Variants in P2RY8 observed in about 807,000 individuals in gnomAD.
The protein encoded by P2RY8 is P2Y receptor family member 8, also known as S-geranylgeranyl-glutathione receptor P2RY8.
A neutral mutation model predicts 10.0 loss-of-function variants in P2RY8; 6 were observed. That is an observed-to-expected ratio of 0.60 (90% CI 0.33 to 1.19). The LOEUF (loss-of-function observed/expected upper bound fraction) is 1.19. Among genes scored for constraint, P2RY8 ranks in the 50% most tolerant of loss-of-function variants. P2RY8 has a pLI of 0.04. For synonymous variants in P2RY8, 276 were observed against 252.5 expected (o/e 1.09, Z -0.88); for missense variants, 456 against 542.0 (o/e 0.84, Z 1.58).
chrX:1,466,531 C>A lies in P2RY8; in HGVS notation c.28G>T (p.Asp10Tyr), dbSNP rs772765976. The change falls in exon 2 of 2, where the codon GAC (aspartate) becomes TAC (tyrosine). Residue 10 changes from aspartate to tyrosine, a missense_variant. By Grantham distance (160) the Asp-to-Tyr change is radical. Coordinates refer to ENST00000381297, the MANE Select transcript of P2RY8 (RefSeq NM_178129.5). ...CGCAGCATCTGCAGCGTCGCGTTGTCCGGGCCGGTGCTGTTCGGGACCTGC... is the reference window on the plus strand; with the variant it reads ...CGCAGCATCTGCAGCGTCGCGTTGTACGGGCCGGTGCTGTTCGGGACCTGC... MQVPNSTGP[D>Y]NATLQMLRNP... 2.5e-5 allele frequency: 41 copies of A among 1,608,606 alleles called. No homozygotes were observed. Among genetic ancestry groups the A allele is most frequent in the Non-Finnish European group, 2.9e-5 (34 of 1,179,280 alleles).
At chrX:1,514,997 T>A in intron 1 of P2RY8, among the ~76,000 whole-genome samples, 1 of 145,808 alleles carries the variant, frequency 6.9e-6, no homozygotes, top group Non-Finnish European at 1.5e-5. Context: ...TCAGCCTCCC[T>A]GGTTCAAGCA....
chrX:1,470,250 G>T (rs770870794), intron 1 of P2RY8, among the ~76,000 whole-genome samples: 1 of 148,372 alleles, frequency 6.7e-6, no homozygotes, highest in East Asian at 2.0e-4. Flanking sequence ...GGTGACTCAC[G>T]TCTGTAATCC....
At chrX:1,498,304 G>A (rs1205535200) in intron 1 of P2RY8, among the ~76,000 whole-genome samples, 3 of 149,552 alleles carry the variant, frequency 2.0e-5, no homozygotes, top group East Asian at 4.1e-4. Context: ...TACTCGGGAG[G>A]CTGAGGCAGG....
intron 1 of P2RY8, among the ~76,000 whole-genome samples, chrX:1,493,363 G>A (rs1360437382): frequency 6.2e-5 from 3 of 48,476 alleles, no homozygotes; most frequent in Non-Finnish European, 1.3e-4. Flanking sequence ...GGGGAGGGGA[G>A]GGGGAGGGAG....
At chrX:1,480,550 T>C (rs2091922998) in intron 1 of P2RY8, among the ~76,000 whole-genome samples, 1 of 152,078 alleles carries the variant, frequency 6.6e-6, no homozygotes, top group Admixed American at 6.6e-5. Flanking sequence ...GAAGCCATCA[T>C]TCTGAGAAAC....
chrX:1,476,190 A>C (rs1288158882), intron 1 of P2RY8, among the ~76,000 whole-genome samples: 1 of 152,124 alleles, frequency 6.6e-6, no homozygotes, highest in Non-Finnish European at 1.5e-5. Context: ...ACCTCCTATG[A>C]CCAAGTTGTT....
chrX:1,530,188 C>G (rs183772173), intron 1 of P2RY8, among the ~76,000 whole-genome samples: 3,344 of 148,218 alleles, frequency 0.023, 109 homozygotes, highest in African/African-American at 0.063. Context: ...ATCTATCTAT[C>G]TATCTATCTA....
At position 1,464,495 on chromosome X, in the gene P2RY8, G is replaced by C. The variant is rs1410570073; in HGVS notation, c.*984C>G. On this transcript the variant is annotated 3_prime_UTR_variant, in exon 2 of 2. Transcript: ENST00000381297. ...GACTCCAGATGGACTTGCCATGGCT[G>C]AGGCTCTCCATGGGGTAAAAGGACG... The C allele has an allele frequency of 8.6e-6, 2 of 233,414 alleles. No individual in the cohort carries two copies. The highest frequency in any genetic ancestry group is 4.4e-5 in the African/African-American group (2 of 45,340). 14.5% of individuals were successfully genotyped at this position (233,414 alleles called of 1,614,324 possible).
At chrX:1,527,905 G>T (rs2092449668) in intron 1 of P2RY8, among the ~76,000 whole-genome samples, 1 of 152,024 alleles carries the variant, frequency 6.6e-6, no homozygotes, top group Admixed American at 6.6e-5. Context: ...ATCTATTCTG[G>T]TCTCTCATCT....
chrX:1,521,452 A>T (rs1310730625), intron 1 of P2RY8, among the ~76,000 whole-genome samples: 1 of 152,038 alleles, frequency 6.6e-6, no homozygotes, highest in African/African-American at 2.4e-5. Context: ...TGTAATCCTT[A>T]TGCTCCACTT....
At chrX:1,480,916 A>C (rs56314848) in intron 1 of P2RY8, among the ~76,000 whole-genome samples, 100,676 of 149,762 alleles carry the variant, frequency 0.67, 33,819 homozygotes, top group South Asian at 0.72. Context: ...AAAAAAAAAA[A>C]ACCATTTAAA....
intron 1 of P2RY8, among the ~76,000 whole-genome samples, chrX:1,469,304 C>T (rs1254367247): frequency 6.6e-6 from 1 of 150,670 alleles, no homozygotes; most frequent in South Asian, 2.1e-4. Flanking sequence ...GCTGGGATTA[C>T]ATGCATGCAC....
intron 1 of P2RY8, among the ~76,000 whole-genome samples, chrX:1,524,409 GCATCCATC>G (rs1206670236): frequency 1.8e-5 from 2 of 109,782 alleles, no homozygotes; most frequent in Non-Finnish European, 3.8e-5. Flanking sequence ...ATCCATGCAT[GCATCCATC>G]CATCCATCCA....
chrX:1,512,417 G>T (rs1208267905), intron 1 of P2RY8, among the ~76,000 whole-genome samples: 1 of 151,778 alleles, frequency 6.6e-6, no homozygotes, highest in Non-Finnish European at 1.5e-5. Flanking sequence ...CGTGGTGGTG[G>T]GTACCTGTCA....
At chrX:1,476,477 C>T (rs1332786591) in intron 1 of P2RY8, among the ~76,000 whole-genome samples, 20 of 151,552 alleles carry the variant, frequency 1.3e-4, no homozygotes, top group South Asian at 2.1e-4. Flanking sequence ...GTCCCAGCTA[C>T]TCGGGAGGCT....
intron 1 of P2RY8, among the ~76,000 whole-genome samples, chrX:1,477,405 G>A (rs1311362625): frequency 6.6e-6 from 1 of 151,398 alleles, no homozygotes; most frequent in Non-Finnish European, 1.5e-5. Context: ...TATCTATCTA[G>A]CAATCATATC....
At chrX:1,530,272 TC>T (rs2092465229) in intron 1 of P2RY8, among the ~76,000 whole-genome samples, 2 of 114,524 alleles carry the variant, frequency 1.7e-5, no homozygotes, top group Admixed American at 8.3e-5. Context: ...ATCACCATTA[TC>T]TATCTATCTA....
At chrX:1,486,729 A>G (rs1328093897) in intron 1 of P2RY8, among the ~76,000 whole-genome samples, 4 of 152,232 alleles carry the variant, frequency 2.6e-5, no homozygotes, top group Non-Finnish European at 5.9e-5. Context: ...CATAATCTCA[A>G]CAAGAAACAA....
At chrX:1,490,523 G>GGAAT (rs1333400532) in intron 1 of P2RY8, among the ~76,000 whole-genome samples, 1 of 144,912 alleles carries the variant, frequency 6.9e-6, no homozygotes, top group Non-Finnish European at 1.5e-5. Context: ...AAATGTGGAG[G>GGAAT]GAATGAATGA....
Sources: allele counts gnomAD v4.1 joint callset (sites outside exome capture counted in the v4.1 genomes callset), GRCh38; gene constraint gnomAD v4.1.1; transcripts MANE v1.5; gene names NCBI Gene and HGNC (gene_info 2026-07-23, HGNC 2026-07-21).